Variants in PTK2B observed in about 807,000 individuals in gnomAD.
PTK2B encodes the protein protein tyrosine kinase 2 beta, also known as protein-tyrosine kinase 2-beta.
PTK2B carries 71 observed loss-of-function variants against 142.9 expected under a neutral mutation model. The observed-to-expected ratio is 0.50, with a 90% CI of 0.41 to 0.61. The LOEUF (loss-of-function observed/expected upper bound fraction) is 0.61, where lower values mean the gene tolerates loss of function less well. PTK2B is among the 20% of genes least tolerant of loss of function. PTK2B has a pLI of 0.00. For synonymous variants in PTK2B, 519 were observed against 503.4 expected, an observed-to-expected ratio of 1.03 and a Z score of -0.42; for missense variants, 1,105 against 1,320.4, an observed-to-expected ratio of 0.84 and a Z score of 2.53.
chr8:27,343,572 TGCC>T (rs1464199760), intron 1 of PTK2B, among the ~76,000 whole-genome samples: 2 of 152,196 alleles, frequency 1.3e-5, no homozygotes, highest in Non-Finnish European at 2.9e-5. Flanking sequence ...CCGGAGGGGA[TGCC>T]CAGCTCACAG....
chr8:27,413,241 G>A lies in PTK2B; in HGVS notation c.205-6654G>A, dbSNP rs141002047. On this transcript the variant is annotated intron_variant, in intron 2 of 30. Transcript: ENST00000346049. ...GTTGTAGTATTGCTGCCCCATCACC[G>A]GAATGCTCCAGGGTTTATCTCCCCA... 4.4e-3 allele frequency among the ~76,000 whole-genome samples: 677 copies of A among 152,184 alleles called. 10 individuals are homozygous for A. The highest frequency in any genetic ancestry group is 0.034 in the South Asian group (166 of 4,816).
chr8:27,451,532 G>T (rs376768935), intron 27 of PTK2B, 23 bp downstream of exon 27: 3 of 1,613,874 alleles, frequency 1.9e-6, no homozygotes, highest in Non-Finnish European at 2.5e-6. Flanking sequence ...GCCCTTCTTC[G>T]GGGGGTTTCC....
chr8:27,420,125 G>A (rs41315629), intron 3 of PTK2B, 52 bp downstream of exon 3: 27,197 of 1,601,398 alleles, frequency 0.017, 301 homozygotes, highest in Middle Eastern at 0.032. Flanking sequence ...AATTTAGGGT[G>A]GGGAGGCCCT....
At chr8:27,321,062 A>G (rs1192379618), upstream of PTK2B, among the ~76,000 whole-genome samples, 1 of 132,348 alleles carries the variant, frequency 7.6e-6, no homozygotes, top group Non-Finnish European at 1.5e-5. Flanking sequence ...TGGTGCAATC[A>G]TAGCTCATTG....
intron 1 of PTK2B, among the ~76,000 whole-genome samples, chr8:27,351,551 A>G (rs1043957880): frequency 2.0e-5 from 3 of 152,196 alleles, no homozygotes; most frequent in Admixed American, 6.5e-5. Context: ...AATGGATTCC[A>G]TCTGAGGCTA....
In PTK2B at chr8:27,434,382, T is replaced by G. The variant is rs553244892; in HGVS notation, c.1146-131T>G. ...CAGCCCCCAGCAGCCTGGGCTGTGCTCCCAGGTCATTGCTAATTTGGACAG... is the reference window on the plus strand; with the variant it reads ...CAGCCCCCAGCAGCCTGGGCTGTGCGCCCAGGTCATTGCTAATTTGGACAG... On this transcript the variant is annotated intron_variant, in intron 12 of 30. Transcript: ENST00000346049. The G allele has an allele frequency of 3.5e-6, 4 of 1,139,656 alleles. No homozygotes were observed. The East Asian group carries it at 1.0e-4, about 29-fold the overall frequency. 70.6% of individuals were successfully genotyped at this position (1,139,656 alleles called of 1,614,324 possible). A position where few individuals can be genotyped will look rare whatever the true frequency, so the allele number is the denominator to read the frequency against.
chr8:27,420,799 A>G (rs1014252524), intron 4 of PTK2B, 55 bp downstream of exon 4: 2 of 1,467,760 alleles, frequency 1.4e-6, no homozygotes, highest in African/African-American at 2.8e-5. Flanking sequence ...TCAAATGCCA[A>G]GCATGAACCG....
chr8:27,355,671 C>G (rs550998188), intron 1 of PTK2B, among the ~76,000 whole-genome samples: 33 of 152,296 alleles, frequency 2.2e-4, no homozygotes, highest in African/African-American at 7.5e-4. Flanking sequence ...CTCAGTAATT[C>G]TAGCTCTAGG....
At chr8:27,388,439 G>A (rs1807507523) in intron 1 of PTK2B, among the ~76,000 whole-genome samples, 1 of 152,196 alleles carries the variant, frequency 6.6e-6, no homozygotes, top group Non-Finnish European at 1.5e-5. Context: ...TGGGAGGAAG[G>A]GGCACATGGT....
At chr8:27,359,090 CT>C (rs894815059) in intron 1 of PTK2B, among the ~76,000 whole-genome samples, 1 of 151,920 alleles carries the variant, frequency 6.6e-6, no homozygotes, top group Non-Finnish European at 1.5e-5. Context: ...TGCATACCTT[CT>C]TTTTTTTCTA....
At chr8:27,340,895 G>C (rs539656439) in intron 1 of PTK2B, among the ~76,000 whole-genome samples, 1 of 152,228 alleles carries the variant, frequency 6.6e-6, no homozygotes, top group South Asian at 2.1e-4. Flanking sequence ...TGCTGTTTGC[G>C]TATGTGCAGT....
At position 27,439,393 on chromosome 8, in the gene PTK2B, T is replaced by C; in HGVS notation, c.1829T>C (p.Met610Thr). 6.2e-7 allele frequency: 1 copy of C among 1,613,000 alleles called. No homozygotes were observed. Among genetic ancestry groups the C allele is most frequent in the East Asian group, 2.2e-5 (1 of 44,876 alleles). ...RRFTTASDVW[M>T]FAVCMWEILS... is the part of the protein sequence containing the mutation. ...TTCACGACAGCCAGTGACGTCTGGATGTTCGGTGAGTGCTGATTTGGGAGG... is the reference window on the plus strand; with the variant it reads ...TTCACGACAGCCAGTGACGTCTGGACGTTCGGTGAGTGCTGATTTGGGAGG... Residue 610 changes from methionine to threonine, a missense_variant, in exon 20 of 31, where the codon ATG becomes ACG. By Grantham distance (81) the Met-to-Thr change is moderately conservative. Coordinates refer to ENST00000346049, the MANE Select transcript of PTK2B (RefSeq NM_173176.3).
chr8:27,377,648 G>A (rs1222513592), intron 1 of PTK2B, among the ~76,000 whole-genome samples: 2 of 152,216 alleles, frequency 1.3e-5, no homozygotes, highest in African/African-American at 4.8e-5. Context: ...AGGCAGGAGA[G>A]AAGACAAAGA....
At chr8:27,355,955 A>C (rs143385460) in intron 1 of PTK2B, among the ~76,000 whole-genome samples, 2,966 of 151,956 alleles carry the variant, frequency 0.02, 101 homozygotes, top group African/African-American at 0.067. Context: ...CCCGGGAGGC[A>C]GAGGTAGCAG....
chr8:27,347,208 C>A (rs1330783115), intron 1 of PTK2B, among the ~76,000 whole-genome samples: 4 of 74,814 alleles, frequency 5.3e-5, no homozygotes, highest in Non-Finnish European at 1.1e-4. Flanking sequence ...GAAACCCCAT[C>A]TCTACTAAAA....
At chr8:27,318,025 G>A (rs1399591884) in intron 3 of PTK2B, among the ~76,000 whole-genome samples, 2 of 152,116 alleles carry the variant, frequency 1.3e-5, no homozygotes, top group African/African-American at 2.4e-5. Context: ...CATGCAGAAC[G>A]TAATATAAAT....
At chr8:27,394,010 G>A (rs1807888272) in intron 1 of PTK2B, among the ~76,000 whole-genome samples, 1 of 152,158 alleles carries the variant, frequency 6.6e-6, no homozygotes, top group Non-Finnish European at 1.5e-5. Flanking sequence ...AGGCAGTTGT[G>A]TGAACATCAG....
chr8:27,314,646 A>AC (rs1484649334), intron 3 of PTK2B, among the ~76,000 whole-genome samples: 9 of 152,156 alleles, frequency 5.9e-5, no homozygotes, highest in Non-Finnish European at 2.9e-5. Flanking sequence ...GGGTATTTAA[A>AC]CCCCCAAAAG....
intron 1 of PTK2B, among the ~76,000 whole-genome samples, chr8:27,375,428 G>A (rs1806606284): frequency 6.6e-6 from 1 of 152,106 alleles, no homozygotes; most frequent in African/African-American, 2.4e-5. Flanking sequence ...CCTTCCCAGT[G>A]GTCATCCAGT....
Sources: allele counts gnomAD v4.1 joint callset (sites outside exome capture counted in the v4.1 genomes callset), GRCh38; gene constraint gnomAD v4.1.1; transcripts MANE v1.5; gene names NCBI Gene and HGNC (gene_info 2026-07-23, HGNC 2026-07-21).